FEZ2: variants seen among roughly 807,000 people sequenced by gnomAD.
FEZ2 encodes the protein fasciculation and elongation protein zeta 2.
Under a neutral mutation model 40.4 loss-of-function variants are expected in FEZ2, and 51 were observed. The ratio of observed to expected loss-of-function variants is 1.26; its 90% CI spans 1.01 to 1.59. The LOEUF (loss-of-function observed/expected upper bound fraction) is 1.59, where lower values mean the gene tolerates loss of function less well. FEZ2 is among the 40% of genes most tolerant of loss of function. The pLI is 0.00. For missense variants in FEZ2, 640 were observed against 438.3 expected, an observed-to-expected ratio of 1.46 and a Z score of -4.11; for synonymous variants, 242 against 172.0, an observed-to-expected ratio of 1.41 and a Z score of -3.18.
At chr2:36,591,959 C>T (rs1669086097) in intron 1 of FEZ2, among the ~76,000 whole-genome samples, 1 of 152,112 alleles carries the variant, frequency 6.6e-6, no homozygotes, top group South Asian at 2.1e-4. Context: ...GATAAGAACA[C>T]CAAACTCAAA....
At chr2:36,553,245 T>G (rs1298595134) in intron 7 of FEZ2, 66 bp from the exon 8 acceptor site, 1 of 1,142,636 alleles carries the variant, frequency 8.8e-7, no homozygotes, top group African/African-American at 1.6e-5. Context: ...AAAACATACA[T>G]TTTACATGTA....
Position 36,597,750 on chromosome 2 carries a change from G to C in FEZ2, c.266+127C>G, listed in dbSNP as rs532180665. 1.5e-4 allele frequency: 98 copies of C among 656,280 alleles called. 1 individual carries two copies. The South Asian group carries it at 4.4e-3, about 29-fold the overall frequency. 40.7% of individuals were successfully genotyped at this position (656,280 alleles called of 1,614,324 possible). On this transcript the variant is annotated intron_variant, in intron 1 of 7. Coordinates refer to ENST00000405912, the MANE Select transcript of FEZ2 (RefSeq NM_005102.3). The stretch of plus-strand genomic sequence containing the variant: ...AGGCCGACGGCCGGAGGAAGGAGGC[G>C]AGAGGGCGGGGACTCCCGCGTCCGG...
intron 1 of FEZ2, among the ~76,000 whole-genome samples, chr2:36,597,651 G>C (rs889648066): frequency 8.5e-5 from 13 of 152,390 alleles, no homozygotes; most frequent in African/African-American, 2.9e-4. Context: ...GAAGGAGGGC[G>C]GGAGGTACCG....
At position 36,553,168 on chromosome 2, in the gene FEZ2, T is replaced by C; in HGVS notation, c.1057A>G (p.Thr353Ala). 1.3e-6 allele frequency: 2 copies of C among 1,565,012 alleles called. No homozygotes were observed. The highest frequency in any genetic ancestry group is 1.2e-5 in the South Asian group (1 of 84,902). ...TDYILKVLCP[T>A] ...CCGCAGATAAAGTTGCTGCTCTATG[T>C]AGGACACAGAACTAGAAGAAAAAGA... The change falls in exon 8 of 8, where the codon ACA (threonine) becomes GCA (alanine). Residue 353 changes from threonine to alanine, a missense_variant. Thr to Ala is a moderately conservative substitution (Grantham distance 58, BLOSUM62 0). Transcript: ENST00000405912.
intron 2 of FEZ2, among the ~76,000 whole-genome samples, chr2:36,587,594 A>G (rs560990929): frequency 2.0e-5 from 3 of 152,344 alleles, no homozygotes; most frequent in African/African-American, 7.2e-5. Context: ...TAAAACTGCA[A>G]TCTAGCAAAC....
chr2:36,553,800 AAAC>A (rs1367830449), intron 7 of FEZ2, among the ~76,000 whole-genome samples: 2 of 152,172 alleles, frequency 1.3e-5, no homozygotes, highest in Non-Finnish European at 2.9e-5. Flanking sequence ...ATCTGTGTTA[AAAC>A]AACAACAAAC....
At chr2:36,563,136 T>C (rs960222748) in intron 5 of FEZ2, among the ~76,000 whole-genome samples, 1 of 152,252 alleles carries the variant, frequency 6.6e-6, no homozygotes, top group African/African-American at 2.4e-5. Flanking sequence ...TTTTCTTTAT[T>C]AAATGTGTGG....
intron 1 of FEZ2, among the ~76,000 whole-genome samples, chr2:36,597,560 G>A (rs956055463): frequency 1.3e-4 from 1 of 7,644 alleles, no homozygotes; most frequent in Non-Finnish European, 2.1e-4. Context: ...GCCCCAGGAG[G>A]TGCCCCAGGA....
intron 5 of FEZ2, among the ~76,000 whole-genome samples, chr2:36,565,857 T>C (rs1668221626): frequency 6.6e-6 from 1 of 152,148 alleles, no homozygotes; most frequent in African/African-American, 2.4e-5. Context: ...TTCACCAGGA[T>C]GCCAGCAGTA....
intron 7 of FEZ2, among the ~76,000 whole-genome samples, chr2:36,553,996 C>G (rs1477564916): frequency 6.6e-6 from 1 of 152,278 alleles, no homozygotes; most frequent in East Asian, 1.9e-4. Context: ...TGGGTAAATA[C>G]ATCTCCACAT....
chr2:36,587,130 T>C (rs1385994112), intron 2 of FEZ2, among the ~76,000 whole-genome samples: 1 of 152,218 alleles, frequency 6.6e-6, no homozygotes, highest in Non-Finnish European at 1.5e-5. Flanking sequence ...TATAAGTATA[T>C]TCAAGAATGG....
Position 36,591,025 on chromosome 2 carries a change from A to C in FEZ2, c.267-14T>G, listed in dbSNP as rs1442607191. ...GCATTCCAAATCCTTAAAAAGAAGAAAGCTACAATCAATGAAAATTAACAT... is the reference window on the plus strand; with the variant it reads ...GCATTCCAAATCCTTAAAAAGAAGACAGCTACAATCAATGAAAATTAACAT... On this transcript the variant is annotated splice_polypyrimidine_tract_variant and intron_variant, in intron 1 of 7. Transcript: ENST00000405912. The C allele has an allele frequency of 2.1e-6, 3 of 1,462,540 alleles. No individual in the cohort carries two copies. Among genetic ancestry groups the C allele is most frequent in the Non-Finnish European group, 2.9e-6 (3 of 1,042,554 alleles). 90.6% of individuals were successfully genotyped at this position (1,462,540 alleles called of 1,614,324 possible).
intron 1 of FEZ2, among the ~76,000 whole-genome samples, chr2:36,595,860 C>G (rs1669206505): frequency 6.6e-6 from 1 of 152,162 alleles, no homozygotes; most frequent in South Asian, 2.1e-4. Context: ...ACAAGAGCGA[C>G]AAAATATTTT....
intron 5 of FEZ2, among the ~76,000 whole-genome samples, chr2:36,568,143 A>G (rs1490270987): frequency 6.6e-6 from 1 of 151,926 alleles, no homozygotes; most frequent in African/African-American, 2.4e-5. Context: ...CTTAAATTTT[A>G]TAAGTAGGAG....
chr2:36,570,334 G>GA (rs1411658812), intron 5 of FEZ2, among the ~76,000 whole-genome samples: 2 of 151,754 alleles, frequency 1.3e-5, no homozygotes, highest in Admixed American at 1.3e-4. Flanking sequence ...TTTTATGGCA[G>GA]AAAAAATATA....
intron 1 of FEZ2, chr2:36,591,358 C>G (rs140954683): frequency 0.017 from 3,336 of 192,858 alleles, 334 homozygotes; most frequent in Admixed American, 0.17. Context: ...AAGGGGGAAC[C>G]ATTATTAACC....
intron 5 of FEZ2, among the ~76,000 whole-genome samples, chr2:36,562,391 G>C (rs775808710): frequency 6.6e-6 from 1 of 152,168 alleles, no homozygotes; most frequent in Non-Finnish European, 1.5e-5. Flanking sequence ...ATCACTGAGG[G>C]AGCTATGTGC....
Position 36,598,162 on chromosome 2 carries a change from G to A in FEZ2, c.-20C>T, listed in dbSNP as rs1371218265. ...CGCCATCGCCGCCCGGAGCAGTCGCGCGCCCCGCCCAGGCCGGCCCAGCCC... is the reference window on the plus strand; with the variant it reads ...CGCCATCGCCGCCCGGAGCAGTCGCACGCCCCGCCCAGGCCGGCCCAGCCC... On this transcript the variant is annotated 5_prime_UTR_variant, in exon 1 of 8. Transcript: ENST00000405912. The A allele has an allele frequency of 4.9e-6, 7 of 1,414,192 alleles. No homozygotes were observed. The African/African-American group carries it at 9.6e-5, about 19-fold the overall frequency. 87.6% of individuals were successfully genotyped at this position (1,414,192 alleles called of 1,614,324 possible). A position where few individuals can be genotyped will look rare whatever the true frequency, so the allele number is the denominator to read the frequency against.
chr2:36,591,060 C>G (rs1242216600), intron 1 of FEZ2, 49 bp from the exon 2 acceptor site: 2 of 1,104,404 alleles, frequency 1.8e-6, no homozygotes, highest in Admixed American at 3.6e-5. Flanking sequence ...TTCTGTATGT[C>G]TTTCTTAAAC....
Sources: allele counts gnomAD v4.1 joint callset (sites outside exome capture counted in the v4.1 genomes callset), GRCh38; gene constraint gnomAD v4.1.1; transcripts MANE v1.5; gene names NCBI Gene and HGNC (gene_info 2026-07-23, HGNC 2026-07-21).